Variants in PVT1 observed in about 807,000 individuals in gnomAD.
PVT1 encodes the protein Pvt1 oncogene.
chr8:127,839,094 C>T (rs147012182), intron 2 of PVT1, among the ~76,000 whole-genome samples: 2 of 152,246 alleles, frequency 1.3e-5, no homozygotes, highest in Non-Finnish European at 1.5e-5. Context: ...GTACAAACTC[C>T]CTCTGTAATG....
In PVT1 at chr8:127,856,674, T is replaced by C. The variant is rs117613493; in HGVS notation, n.373-33915T>C. ...CTATATTAACTCAATGGAATTCTTG[T>C]TGAGGACTAAAATGGAGTTTTTGTT... is the stretch of plus-strand genomic sequence containing the variant. On this transcript the variant is annotated intron_variant and non_coding_transcript_variant, in intron 2 of 10. Transcript: ENST00000651587. Among the ~76,000 whole-genome samples the C allele has an allele frequency of 1.8e-4, 28 of 152,332 alleles. No homozygotes were observed. In the East Asian group the frequency reaches 5.2e-3, roughly 28 times the overall value.
At chr8:128,001,112 C>A (rs1442122297) in intron 4 of PVT1, among the ~76,000 whole-genome samples, 1 of 152,164 alleles carries the variant, frequency 6.6e-6, no homozygotes, top group Non-Finnish European at 1.5e-5. Flanking sequence ...CAGGGCATTG[C>A]CACTGCCCCC....
chr8:127,813,128 T>C (rs1814617364), intron 2 of PVT1, among the ~76,000 whole-genome samples: 1 of 148,890 alleles, frequency 6.7e-6, no homozygotes, highest in African/African-American at 2.5e-5. Context: ...TGTGAATCAA[T>C]TTTGAGACTC....
intron 4 of PVT1, among the ~76,000 whole-genome samples, chr8:128,057,362 A>G (rs1813775353): frequency 6.6e-6 from 1 of 152,224 alleles, no homozygotes; most frequent in Non-Finnish European, 1.5e-5. Flanking sequence ...ACCTAACCGG[A>G]AAAACCCCTT....
At chr8:127,840,577 C>T (rs1000023783) in intron 2 of PVT1, among the ~76,000 whole-genome samples, 1 of 152,202 alleles carries the variant, frequency 6.6e-6, no homozygotes, top group African/African-American at 2.4e-5. Context: ...TGTGGGATGC[C>T]GGGAGACTGG....
intron 4 of PVT1, among the ~76,000 whole-genome samples, chr8:127,997,709 C>T (rs192108781): frequency 2.6e-5 from 4 of 152,300 alleles, no homozygotes; most frequent in East Asian, 3.9e-4. Flanking sequence ...CTGTTACTAA[C>T]GCTTTGCATT....
At chr8:128,000,397 A>G (rs950503378) in intron 4 of PVT1, among the ~76,000 whole-genome samples, 1 of 152,238 alleles carries the variant, frequency 6.6e-6, no homozygotes, top group Non-Finnish European at 1.5e-5. Flanking sequence ...CACCAGAGGT[A>G]GCAAGGAACC....
chr8:127,998,876 T>TCTC (rs1491409768), intron 4 of PVT1, among the ~76,000 whole-genome samples: 4 of 145,630 alleles, frequency 2.7e-5, no homozygotes, highest in African/African-American at 1.0e-4. Flanking sequence ...TCTCTCTCTC[T>TCTC]TTTTTTGGTG....
chr8:127,908,618 G>A (rs2129839996), intron 3 of PVT1, among the ~76,000 whole-genome samples: 1 of 152,246 alleles, frequency 6.6e-6, no homozygotes, highest in East Asian at 1.9e-4. Context: ...GGGATTACAG[G>A]CGTGAGCCAC....
chr8:127,977,756 A>G (rs950958915), intron 3 of PVT1, among the ~76,000 whole-genome samples: 2 of 152,204 alleles, frequency 1.3e-5, no homozygotes, highest in African/African-American at 4.8e-5. Flanking sequence ...ACCTTGTATC[A>G]GTTCTGACAC....
intron 3 of PVT1, among the ~76,000 whole-genome samples, chr8:127,952,811 C>G (rs1292422588): frequency 2.0e-5 from 3 of 151,126 alleles, no homozygotes; most frequent in African/African-American, 4.9e-5. Context: ...GTGGCCCAGG[C>G]TGGAGTGCAA....
intron 5 of PVT1, among the ~76,000 whole-genome samples, chr8:128,079,923 A>C (rs181159942): frequency 1.3e-5 from 2 of 152,092 alleles, no homozygotes; most frequent in East Asian, 3.9e-4. Context: ...ACAGGGTTTC[A>C]CCATGGTAGC....
intron 2 of PVT1, among the ~76,000 whole-genome samples, chr8:127,885,097 C>T (rs190754607): frequency 6.8e-4 from 103 of 151,980 alleles, no homozygotes; most frequent in South Asian, 1.7e-3. Context: ...TCTCAGCTGA[C>T]GGTACTCCAG....
intron 2 of PVT1, among the ~76,000 whole-genome samples, chr8:127,856,255 G>A (rs181767416): frequency 1.3e-5 from 2 of 152,238 alleles, no homozygotes; most frequent in Admixed American, 6.5e-5. Context: ...GGGTGGCTGG[G>A]AAAGGTGGTT....
At chr8:127,995,308 A>G (rs999440288) in intron 4 of PVT1, among the ~76,000 whole-genome samples, 1 of 152,188 alleles carries the variant, frequency 6.6e-6, no homozygotes, top group African/African-American at 2.4e-5. Context: ...GACTGTTGTC[A>G]TTCTTTGTCT....
In PVT1 at chr8:127,913,081, C is replaced by G. The variant is rs533337765; in HGVS notation, n.782+22083C>G. On this transcript the variant is annotated intron_variant and non_coding_transcript_variant, in intron 3 of 10. Coordinates refer to ENST00000651587, the Ensembl canonical transcript of PVT1. ...GCCAGGCTGGTCTTGAACTCCTGAT[C>G]TCAAGTGATCCGCTTGCCTCGGCCT... is the stretch of plus-strand genomic sequence containing the variant. Among the ~76,000 whole-genome samples the G allele has an allele frequency of 2.2e-4, 34 of 151,628 alleles. 1 individual carries two copies. The South Asian group carries it at 6.9e-3, about 31-fold the overall frequency.
At chr8:127,990,759 G>C (rs566235018) in intron 4 of PVT1, among the ~76,000 whole-genome samples, 1 of 152,328 alleles carries the variant, frequency 6.6e-6, no homozygotes, top group African/African-American at 2.4e-5. Context: ...CAGCATTCCT[G>C]TGGCATGCAG....
intron 3 of PVT1, among the ~76,000 whole-genome samples, chr8:127,961,145 C>G (rs1031361497): frequency 6.6e-6 from 1 of 152,136 alleles, no homozygotes; most frequent in African/African-American, 2.4e-5. Context: ...GAGGCCAGAT[C>G]CTAGAAAGAC....
intron 4 of PVT1, among the ~76,000 whole-genome samples, chr8:128,060,381 C>T (rs1233454967): frequency 6.6e-6 from 1 of 152,198 alleles, no homozygotes; most frequent in Non-Finnish European, 1.5e-5. Flanking sequence ...CACACAGAGG[C>T]ATTCAAGATA....
Sources: allele counts gnomAD v4.1 joint callset (sites outside exome capture counted in the v4.1 genomes callset), GRCh38; gene constraint gnomAD v4.1.1; transcripts MANE v1.5; gene names NCBI Gene and HGNC (gene_info 2026-07-23, HGNC 2026-07-21).